The following SPTAN1 variants were observed in gnomAD, a reference collection of about 807,000 sequenced individuals.
SPTAN1 encodes spectrin alpha, non-erythrocytic 1.
In SPTAN1, 61 loss-of-function variants were observed where a neutral mutation model predicts 331.3. The observed-to-expected ratio is 0.18, with a 90% CI of 0.15 to 0.23. SPTAN1 has a LOEUF of 0.23. SPTAN1 is among the 10% of genes least tolerant of loss of function. SPTAN1 has a pLI of 1.00. For synonymous variants in SPTAN1, 1,153 were observed against 1,173.9 expected (o/e 0.98, Z 0.36); for missense variants, 2,043 against 3,147.9 (o/e 0.65, Z 8.40).
chr9:128,566,056 A>G (rs1433367551), intron 1 of SPTAN1, among the ~76,000 whole-genome samples: 1 of 152,138 alleles, frequency 6.6e-6, no homozygotes, highest in Non-Finnish European at 1.5e-5. Context: ...AGAGGATAAA[A>G]TGGCATATTC....
chr9:128,570,490 A>T (rs1487447708), intron 3 of SPTAN1, among the ~76,000 whole-genome samples: 1 of 148,406 alleles, frequency 6.7e-6, no homozygotes, highest in African/African-American at 2.5e-5. Flanking sequence ...GGCGCCCACC[A>T]CCATGCCCGG....
rs1851109762 is a variant in SPTAN1 at position 128,574,726 on chromosome 9, C to T, written c.415C>T (p.Arg139Ter). ...GTGGGAATTACTTTTGGAGAAGATG[C>T]GAGAAAAAGGAATCAAACTGCTGCA... is the stretch of plus-strand genomic sequence containing the variant. Reference protein sequence around the residue: ...RQWELLLEKMREKGIKLLQAQ... With the variant: ...RQWELLLEKM The change falls in exon 4 of 57, where the codon CGA (arginine) becomes TGA (stop). Residue 139 changes from arginine (R) to a stop codon, truncating the protein, a stop_gained. Transcript: ENST00000372739. LOFTEE classifies it high-confidence loss of function. 1 of 1,614,030 alleles carries T rather than the reference C, an allele frequency of 6.2e-7. No individual in the cohort carries two copies. Among genetic ancestry groups the T allele is most frequent in the Non-Finnish European group, 8.5e-7 (1 of 1,180,010 alleles).
At position 128,588,952 on chromosome 9, in the gene SPTAN1, C is replaced by G; in HGVS notation, c.3006+9C>G. The G allele has an allele frequency of 6.2e-7, 1 of 1,613,760 alleles. No homozygotes were observed. Among genetic ancestry groups the G allele is most frequent in the East Asian group, 2.2e-5 (1 of 44,868 alleles). The stretch of plus-strand genomic sequence containing the variant: ...TCAACAGCACCAACAAGGCAAGGCA[C>G]AGAGAGTGGCTGTGTGTTTGTTCCA... On this transcript the variant is annotated intron_variant, in intron 21 of 56. Transcript: ENST00000372739.
At position 128,578,246 on chromosome 9, in the gene SPTAN1, G is replaced by C; in HGVS notation, c.1221+1G>C. 1 of 1,614,056 alleles carries C rather than the reference G, an allele frequency of 6.2e-7. No homozygotes were observed. Among genetic ancestry groups the C allele is most frequent in the Non-Finnish European group, 8.5e-7 (1 of 1,179,988 alleles). Reference sequence around the variant, plus strand: ...GCTAGATAGACACCAAGAGCACAAGGTAATGGTATCTCTAGAATCTTCCAG... The same window carrying C: ...GCTAGATAGACACCAAGAGCACAAGCTAATGGTATCTCTAGAATCTTCCAG... On this transcript the variant is annotated splice_donor_variant, in intron 9 of 56. Transcript: ENST00000372739. LOFTEE classifies it high-confidence loss of function.
intron 27 of SPTAN1, among the ~76,000 whole-genome samples, chr9:128,602,663 T>C (rs1019914901): frequency 6.6e-6 from 1 of 151,892 alleles, no homozygotes; most frequent in Non-Finnish European, 1.5e-5. Flanking sequence ...CGAGTCGGAG[T>C]CTTGCTCCGT....
At chr9:128,604,196 G>T in intron 28 of SPTAN1, 130 bp from the exon 29 acceptor site, 2 of 943,902 alleles carry the variant, frequency 2.1e-6, no homozygotes, top group South Asian at 1.4e-5. Flanking sequence ...TTTATTCAGC[G>T]AGGAAGGTTG....
At chr9:128,578,544 T>C (rs1319200128) in intron 9 of SPTAN1, among the ~76,000 whole-genome samples, 1 of 152,130 alleles carries the variant, frequency 6.6e-6, no homozygotes, top group Non-Finnish European at 1.5e-5. Flanking sequence ...AAAAAGTATT[T>C]GTTGGGCCAG....
chr9:128,608,372 C>T (rs1427977461), intron 34 of SPTAN1, 96 bp downstream of exon 34: 1 of 1,458,400 alleles, frequency 6.9e-7, no homozygotes, highest in African/African-American at 1.4e-5. Context: ...CCAAGGAATA[C>T]CTGCGTTGTC....
At chr9:128,612,862 T>C (rs892294953) in intron 39 of SPTAN1, among the ~76,000 whole-genome samples, 9 of 151,722 alleles carry the variant, frequency 5.9e-5, no homozygotes, top group African/African-American at 2.2e-4. Context: ...GAGGTGGAGG[T>C]TGCAGTGAGC....
chr9:128,613,373 A>G lies in SPTAN1; in HGVS notation c.5044-8A>G. ...AGTAGCCTTTGCTTTTTGTGTTTTCATTGCCAGGTGGAGGCCCTGCTGGCA... is the reference window on the plus strand; with the variant it reads ...AGTAGCCTTTGCTTTTTGTGTTTTCGTTGCCAGGTGGAGGCCCTGCTGGCA... On this transcript the variant is annotated splice_region_variant and splice_polypyrimidine_tract_variant and intron_variant, in intron 39 of 56. Coordinates refer to ENST00000372739, the MANE Select transcript of SPTAN1 (RefSeq NM_001130438.3). 1.9e-6 allele frequency: 3 copies of G among 1,612,538 alleles called. No individual in the cohort carries two copies. The highest frequency in any genetic ancestry group is 2.5e-6 in the Non-Finnish European group (3 of 1,178,476).
chr9:128,598,719 G>C lies in SPTAN1; in HGVS notation c.3519+215G>C, dbSNP rs1564259826. Reference sequence around the variant, plus strand: ...GGTTTGGAGGGGGGTGGGGGCTTCTGTCTTCTCCGTAAGCTCATTAAATAT... The same window carrying C: ...GGTTTGGAGGGGGGTGGGGGCTTCTCTCTTCTCCGTAAGCTCATTAAATAT... On this transcript the variant is annotated intron_variant, in intron 25 of 56. Transcript: ENST00000372739. The C allele has an allele frequency of 1.4e-5, 9 of 646,660 alleles. No homozygotes were observed. The East Asian group carries it at 1.9e-4, about 14-fold the overall frequency. The allele number at this position is 646,660 out of a possible 1,614,324, so 40.1% of individuals were successfully genotyped here. A position where few individuals can be genotyped will look rare whatever the true frequency, so the allele number is the denominator to read the frequency against.
intron 27 of SPTAN1, among the ~76,000 whole-genome samples, chr9:128,603,082 G>A (rs966266653): frequency 1.3e-5 from 2 of 152,096 alleles, no homozygotes; most frequent in Non-Finnish European, 2.9e-5. Context: ...ACGGGGATAC[G>A]GTTAAAAAGA....
At position 128,608,052 on chromosome 9, in the gene SPTAN1, G is replaced by A. The variant is rs753197188; in HGVS notation, c.4344+3G>A. On this transcript the variant is annotated splice_donor_region_variant and intron_variant, in intron 33 of 56. Transcript: ENST00000372739. ...TGGATCAGTGCCTTGAACTGCAGGT[G>A]TGTGTGCTCCTGGTTTCTGACCAAG... The A allele has an allele frequency of 5.0e-6, 8 of 1,614,048 alleles. No homozygotes were observed. Among genetic ancestry groups the A allele is most frequent in the East Asian group, 2.2e-5 (1 of 44,900 alleles).
Position 128,625,866 on chromosome 9 carries a change from C to T in SPTAN1, c.6167C>T (p.Ser2056Phe). The T allele has an allele frequency of 1.2e-6, 2 of 1,614,206 alleles. No homozygotes were observed. The highest frequency in any genetic ancestry group is 1.7e-6 in the Non-Finnish European group (2 of 1,180,040). Residue 2056 changes from serine (S) to phenylalanine (F), a missense_variant, in exon 48 of 57, where the codon TCC becomes TTC. Transcript: ENST00000372739. This position sits in a 1 kb window ranked among gnomAD's most constrained non-coding sequence, Gnocchi z 4.1. Reference sequence around the variant, plus strand: ...CTTCTCGCCGCCAAACACGTTCAGTCCAAGGCCATCGAGGCCCGGCACGCC... The same window carrying T: ...CTTCTCGCCGCCAAACACGTTCAGTTCAAGGCCATCGAGGCCCGGCACGCC... The part of the protein sequence containing the change: ...DQLLAAKHVQ[S>F]KAIEARHASL...
chr9:128,590,246 G>A (rs1853293470), intron 21 of SPTAN1, among the ~76,000 whole-genome samples: 1 of 152,134 alleles, frequency 6.6e-6, no homozygotes, highest in Non-Finnish European at 1.5e-5. Flanking sequence ...AAACCAACTT[G>A]TGGTCTAACT....
rs780750895 is a variant in SPTAN1 at position 128,625,176 on chromosome 9, A to G, written c.6066A>G (p.Lys2022=). The change falls in exon 47 of 57, where the codon AAA becomes AAG. Residue 2022 remains lysine, a synonymous_variant. Coordinates refer to ENST00000372739, the MANE Select transcript of SPTAN1 (RefSeq NM_001130438.3). The surrounding 1 kb of genome is among the most constrained non-coding windows in gnomAD (Gnocchi z 4.1). ...CTTCTGTGCAGACGCTCCTCACCAAACAGGTCTGCCCTGGCCCCTTCACTG... is the reference window on the plus strand; with the variant it reads ...CTTCTGTGCAGACGCTCCTCACCAAGCAGGTCTGCCCTGGCCCCTTCACTG... ...DLSSVQTLLT[K]QETFDAGLQA... 5.0e-6 allele frequency: 8 copies of G among 1,614,032 alleles called. No individual in the cohort carries two copies. In the African/African-American group the frequency reaches 9.3e-5, roughly 19 times the overall value.
chr9:128,625,004 T>A lies in SPTAN1; in HGVS notation c.5993-99T>A. ...CTGTAGTTAGGAAGATTGGGATTTATCTGTACACAAAAAATGGTTTGTCTG... is the reference window on the plus strand; with the variant it reads ...CTGTAGTTAGGAAGATTGGGATTTAACTGTACACAAAAAATGGTTTGTCTG... On this transcript the variant is annotated intron_variant, in intron 46 of 56. Transcript: ENST00000372739. This position sits in a 1 kb window ranked among gnomAD's most constrained non-coding sequence, Gnocchi z 4.1. 1 of 1,143,066 alleles carries A rather than the reference T, an allele frequency of 8.7e-7. No homozygotes were observed. Among genetic ancestry groups the A allele is most frequent in the Non-Finnish European group, 1.3e-6 (1 of 756,586 alleles). 70.8% of individuals were successfully genotyped at this position (1,143,066 alleles called of 1,614,324 possible). A position where few individuals can be genotyped will look rare whatever the true frequency, so the allele number is the denominator to read the frequency against.
intron 3 of SPTAN1, among the ~76,000 whole-genome samples, chr9:128,573,521 A>G (rs1044528957): frequency 4.6e-5 from 7 of 152,228 alleles, no homozygotes; most frequent in African/African-American, 1.4e-4. Flanking sequence ...CAATGGCACA[A>G]TCTTGGCTCA....
intron 36 of SPTAN1, 23 bp from the exon 37 acceptor site, chr9:128,609,628 G>A (rs1452265156): frequency 6.6e-7 from 1 of 1,522,244 alleles, no homozygotes; most frequent in Non-Finnish European, 8.8e-7. Flanking sequence ...CTGAACTCTT[G>A]TTCTTTTAAT....
Sources: allele counts gnomAD v4.1 joint callset (sites outside exome capture counted in the v4.1 genomes callset), GRCh38; gene constraint gnomAD v4.1.1; non-coding constraint Gnocchi (gnomAD v3.1); transcripts MANE v1.5; gene names NCBI Gene and HGNC (gene_info 2026-07-23, HGNC 2026-07-21).